ARL6: variants seen among roughly 807,000 people sequenced by gnomAD.
The protein encoded by ARL6 is ADP-ribosylation factor-like protein 6.
Under a neutral mutation model 27.1 loss-of-function variants are expected in ARL6, and 18 were observed. The observed-to-expected ratio is 0.66, with a 90% confidence interval of 0.46 to 0.98. The LOEUF (loss-of-function observed/expected upper bound fraction) is 0.98. Among genes scored for constraint, ARL6 ranks in the 50% least tolerant of loss-of-function variants. The probability of loss-of-function intolerance (pLI) is 0.00; values close to 1 mark genes in which losing one functional copy is unlikely to be tolerated. For missense variants in ARL6, 187 were observed against 214.9 expected (o/e 0.87, Z 0.81); for synonymous variants, 65 against 72.3 (o/e 0.90, Z 0.51).
intron 2 of ARL6, among the ~76,000 whole-genome samples, chr3:97,779,091 A>G (rs1246127364): frequency 3.3e-5 from 5 of 152,206 alleles, no homozygotes; most frequent in Non-Finnish European, 7.4e-5. Flanking sequence ...GGATTTGTCA[A>G]CATGTCTCCT....
upstream of ARL6, chr3:97,764,640 T>C (rs1044203270): frequency 7.2e-5 from 11 of 152,256 alleles, no homozygotes; most frequent in African/African-American, 2.7e-4. Flanking sequence ...CTCTGACCTT[T>C]TCCCGGAGCT....
intron 4 of ARL6, 60 bp from the exon 5 acceptor site, chr3:97,784,895 A>G: frequency 8.0e-7 from 1 of 1,242,348 alleles, no homozygotes; most frequent in Non-Finnish European, 1.2e-6. Context: ...CCCATGGATA[A>G]TAAACATGGA....
intron 2 of ARL6, among the ~76,000 whole-genome samples, chr3:97,774,775 G>A (rs781455883): frequency 6.6e-6 from 1 of 152,150 alleles, no homozygotes; most frequent in African/African-American, 2.4e-5. Context: ...TTTCTCTACA[G>A]GAGATAAGAC....
Position 97,780,705 on chromosome 3 carries a change from G to C in ARL6, c.254+22G>C. ...ATAAGTAAGTACATCTGTGAATGTT[G>C]CTTAACTAGATGGTTTTTACTAATA... is the stretch of plus-strand genomic sequence containing the variant. On this transcript the variant is annotated intron_variant, in intron 4 of 7. Transcript: ENST00000463745. The C allele has an allele frequency of 2.6e-6, 4 of 1,558,858 alleles. No homozygotes were observed. In the South Asian group the frequency reaches 4.5e-5, roughly 17 times the overall value.
intron 1 of ARL6, chr3:97,765,971 A>C (rs1213871728): frequency 6.6e-6 from 1 of 152,230 alleles, no homozygotes; most frequent in Non-Finnish European, 1.5e-5. Flanking sequence ...AATTTCAATA[A>C]ATGTGATTAC....
At chr3:97,782,630 T>C (rs889730672) in intron 4 of ARL6, among the ~76,000 whole-genome samples, 1 of 151,882 alleles carries the variant, frequency 6.6e-6, no homozygotes, top group Non-Finnish European at 1.5e-5. Flanking sequence ...TTTATTGATA[T>C]CTGTTAAAAT....
intron 3 of ARL6, 102 bp from the exon 4 acceptor site, chr3:97,780,513 T>A: frequency 1.1e-6 from 1 of 927,160 alleles, no homozygotes; most frequent in Non-Finnish European, 1.7e-6. Context: ...ATGTTGAATA[T>A]TGCATATGAA....
intron 2 of ARL6, among the ~76,000 whole-genome samples, chr3:97,776,774 A>T (rs1351081947): frequency 6.6e-6 from 1 of 151,906 alleles, no homozygotes; most frequent in Non-Finnish European, 1.5e-5. Flanking sequence ...CTGCTACCTC[A>T]GTCTCCTGAG....
chr3:97,776,590 G>C (rs1322174790), intron 2 of ARL6, among the ~76,000 whole-genome samples: 1 of 152,044 alleles, frequency 6.6e-6, no homozygotes, highest in Non-Finnish European at 1.5e-5. Context: ...GTGGGAGATA[G>C]TGAAGCCTAA....
intron 7 of ARL6, among the ~76,000 whole-genome samples, chr3:97,792,215 C>T (rs1186787876): frequency 2.6e-5 from 4 of 152,106 alleles, no homozygotes; most frequent in African/African-American, 7.2e-5. Context: ...TCATGCTGGC[C>T]GGGCACGGTG....
chr3:97,781,576 G>A (rs971628248), intron 4 of ARL6, among the ~76,000 whole-genome samples: 5 of 152,056 alleles, frequency 3.3e-5, no homozygotes, highest in African/African-American at 4.8e-5. Context: ...TTTTATATAA[G>A]AGACTTGAGC....
chr3:97,776,726 G>T (rs902541276), intron 2 of ARL6, among the ~76,000 whole-genome samples: 1 of 151,596 alleles, frequency 6.6e-6, no homozygotes, highest in Non-Finnish European at 1.5e-5. Context: ...GCACAATCTT[G>T]GCTCATTGCA....
At chr3:97,778,146 C>A (rs531082154) in intron 2 of ARL6, among the ~76,000 whole-genome samples, 3 of 152,036 alleles carry the variant, frequency 2.0e-5, no homozygotes, top group Non-Finnish European at 4.4e-5. Flanking sequence ...CCCTTAAAAT[C>A]AAAATAATGA....
chr3:97,780,759 TG>T (rs2037154142), intron 4 of ARL6, 76 bp downstream of exon 4: 2 of 1,176,148 alleles, frequency 1.7e-6, no homozygotes, highest in African/African-American at 3.1e-5. Flanking sequence ...AAGAATTATA[TG>T]GCTAGGTTGT....
chr3:97,792,491 A>G (rs1375558423), intron 7 of ARL6, among the ~76,000 whole-genome samples: 2 of 152,206 alleles, frequency 1.3e-5, no homozygotes, highest in African/African-American at 4.8e-5. Context: ...CAAGAAAAAA[A>G]GAAGAAGAAT....
chr3:97,780,798 G>A, intron 4 of ARL6, 115 bp downstream of exon 4: 4 of 784,536 alleles, frequency 5.1e-6, no homozygotes, highest in Non-Finnish European at 8.7e-6. Context: ...TGTAATTTAT[G>A]AACATTTCCT....
intron 4 of ARL6, among the ~76,000 whole-genome samples, chr3:97,784,461 A>C (rs2037348838): frequency 6.6e-6 from 1 of 151,526 alleles, no homozygotes; most frequent in Admixed American, 6.6e-5. Flanking sequence ...TTATAAAAGT[A>C]GTAGTAAAAC....
At chr3:97,796,830 A>G (rs562575671) in intron 7 of ARL6, among the ~76,000 whole-genome samples, 1 of 152,332 alleles carries the variant, frequency 6.6e-6, no homozygotes, top group Admixed American at 6.5e-5. Context: ...GAGTCCAAGG[A>G]GGGAATAATA....
At position 97,801,071 on chromosome 3, in the gene ARL6, A is replaced by ACTCTGGTG. The variant is rs2108129034; in HGVS notation, c.*3024_*3031dup. 1 of 152,234 alleles carries ACTCTGGTG rather than the reference A, an allele frequency of 6.6e-6. No homozygotes were observed. Among genetic ancestry groups the ACTCTGGTG allele is most frequent in the African/African-American group, 2.4e-5 (1 of 41,558 alleles). 9.4% of individuals were successfully genotyped at this position (152,234 alleles called of 1,614,324 possible). On this transcript the variant is annotated 3_prime_UTR_variant, in exon 8 of 8. Coordinates refer to ENST00000463745, the MANE Select transcript of ARL6 (RefSeq NM_001278293.3). ...TTAAGGCAAATTCATCTTGCTTATA[A>ACTCTGGTG]CTCTGGTGCATGTGCATTAAAATAC...
Sources: allele counts gnomAD v4.1 joint callset (sites outside exome capture counted in the v4.1 genomes callset), GRCh38; gene constraint gnomAD v4.1.1; transcripts MANE v1.5; gene names NCBI Gene and HGNC (gene_info 2026-07-23, HGNC 2026-07-21).